Variants in TXNRD1 observed in about 807,000 individuals in gnomAD.
TXNRD1 encodes thioredoxin reductase 1, also known as thioredoxin reductase 1, cytoplasmic.
Under a neutral mutation model 80.3 loss-of-function variants are expected in TXNRD1, and 57 were observed. That is an observed-to-expected ratio of 0.71 (90% CI 0.57 to 0.89). The LOEUF is 0.89. Among genes scored for constraint, TXNRD1 ranks in the 40% least tolerant of loss-of-function variants. The probability of loss-of-function intolerance (pLI) is 0.00; values close to 1 mark genes in which losing one functional copy is unlikely to be tolerated. For synonymous variants in TXNRD1, 291 were observed against 285.2 expected (o/e 1.02, Z -0.20); for missense variants, 730 against 803.0 (o/e 0.91, Z 1.10).
At chr12:104,290,720 CATATATATAT>C (rs58669975) in intron 4 of TXNRD1, among the ~76,000 whole-genome samples, 2,395 of 55,852 alleles carry the variant, frequency 0.043, 87 homozygotes, top group African/African-American at 0.06. Flanking sequence ...AAGAAATATA[CATATATATAT>C]ATATATATAT....
chr12:104,307,031 A>G (rs570628803), intron 4 of TXNRD1, among the ~76,000 whole-genome samples: 1 of 152,330 alleles, frequency 6.6e-6, no homozygotes, highest in South Asian at 2.1e-4. Context: ...GGTCTTCTCT[A>G]AAGTTAATAG....
intron 1 of TXNRD1, among the ~76,000 whole-genome samples, chr12:104,247,180 T>C (rs1174271801): frequency 6.6e-6 from 1 of 151,896 alleles, no homozygotes; most frequent in East Asian, 1.9e-4. Flanking sequence ...TGATTCTCCC[T>C]CCTCAGCCTC....
At chr12:104,294,255 T>A in intron 4 of TXNRD1, among the ~76,000 whole-genome samples, 1 of 127,018 alleles carries the variant, frequency 7.9e-6, no homozygotes, top group Non-Finnish European at 1.7e-5. Flanking sequence ...GCCGCCGGCT[T>A]TCCCGGTCTG....
intron 3 of TXNRD1, among the ~76,000 whole-genome samples, chr12:104,267,697 CTTTCTCTCTTTCTT>C (rs2033551267): frequency 9.3e-5 from 2 of 21,566 alleles, no homozygotes; most frequent in African/African-American, 3.4e-4. Context: ...TTCTTTCTTT[CTTTCTCTCTTTCTT>C]TCTTTCTTTC....
chr12:104,249,488 AT>A (rs11304654), intron 1 of TXNRD1, among the ~76,000 whole-genome samples: 21,932 of 152,172 alleles, frequency 0.14, 1,636 homozygotes, highest in Middle Eastern at 0.24. Flanking sequence ...TGTCTGGTAT[AT>A]AATGAAACAG....
In TXNRD1 at chr12:104,324,508, C is replaced by T. The variant is rs184436754; in HGVS notation, c.1216-829C>T. 4.4e-4 allele frequency among the ~76,000 whole-genome samples: 67 copies of T among 152,080 alleles called. No homozygotes were observed. The East Asian group carries it at 9.3e-3, about 21-fold the overall frequency. On this transcript the variant is annotated intron_variant, in intron 10 of 16. Coordinates refer to ENST00000525566, the MANE Select transcript of TXNRD1 (RefSeq NM_001093771.3). ...CTGGGACTACAGGCGCCCGCCACCACGCCCGGCTAATTTTTGTATTTTTAG... is the reference window on the plus strand; with the variant it reads ...CTGGGACTACAGGCGCCCGCCACCATGCCCGGCTAATTTTTGTATTTTTAG...
At chr12:104,269,639 C>CT in intron 3 of TXNRD1, among the ~76,000 whole-genome samples, 1 of 151,956 alleles carries the variant, frequency 6.6e-6, no homozygotes, top group East Asian at 1.9e-4. Context: ...GCGATCTCGG[C>CT]TCACAGTAAC....
At chr12:104,304,102 G>A in intron 4 of TXNRD1, 1 of 1,614,042 alleles carries the variant, frequency 6.2e-7, no homozygotes, top group Non-Finnish European at 8.5e-7. Flanking sequence ...AGAACCGGGA[G>A]GACATCGTGA....
At chr12:104,347,709 C>G (rs551804483) in intron 16 of TXNRD1, among the ~76,000 whole-genome samples, 1 of 151,934 alleles carries the variant, frequency 6.6e-6, no homozygotes, top group African/African-American at 2.4e-5. Flanking sequence ...ATTCACTAGT[C>G]GAATAATTGA....
intron 1 of TXNRD1, among the ~76,000 whole-genome samples, chr12:104,220,069 C>T (rs1236346736): frequency 2.0e-5 from 3 of 152,102 alleles, no homozygotes; most frequent in African/African-American, 7.2e-5. Flanking sequence ...GGTGTTTAGG[C>T]CAGCGTCAAA....
intron 3 of TXNRD1, chr12:104,287,263 G>T: frequency 6.2e-7 from 1 of 1,613,942 alleles, no homozygotes; most frequent in Non-Finnish European, 8.5e-7. Flanking sequence ...TGTCTGAGCA[G>T]ACGGGGAGGC....
At chr12:104,261,813 A>G (rs2033373657) in intron 3 of TXNRD1, among the ~76,000 whole-genome samples, 2 of 152,040 alleles carry the variant, frequency 1.3e-5, no homozygotes, top group African/African-American at 4.8e-5. Context: ...CAAAGGTGCA[A>G]TCTCAGCTCA....
At chr12:104,216,015 T>G in intron 1 of TXNRD1, 122 bp downstream of exon 1, 4 of 798,528 alleles carry the variant, frequency 5.0e-6, no homozygotes, top group Non-Finnish European at 7.7e-6. Context: ...AGTCAGTGAC[T>G]GACCGCGCGC....
chr12:104,251,277 G>A (rs200267026), intron 1 of TXNRD1, among the ~76,000 whole-genome samples: 1 of 152,112 alleles, frequency 6.6e-6, no homozygotes, highest in African/African-American at 2.4e-5. Context: ...ATTATGGCTT[G>A]TTGGCAGGAT....
chr12:104,269,678 C>T (rs1188971815), intron 3 of TXNRD1, among the ~76,000 whole-genome samples: 4 of 152,028 alleles, frequency 2.6e-5, no homozygotes, highest in Admixed American at 1.3e-4. Context: ...AGCAATTCTC[C>T]TGCCTCAACC....
intron 1 of TXNRD1, among the ~76,000 whole-genome samples, chr12:104,241,937 A>ATTTTT (rs747774973): frequency 0.071 from 6,780 of 95,974 alleles, 1,008 homozygotes; most frequent in South Asian, 0.13. Flanking sequence ...TATACTAATG[A>ATTTTT]TTTTTTTTTT....
At chr12:104,267,640 T>C in intron 3 of TXNRD1, among the ~76,000 whole-genome samples, 1 of 150,930 alleles carries the variant, frequency 6.6e-6, no homozygotes, top group Non-Finnish European at 1.5e-5. Flanking sequence ...TTCCTAGATG[T>C]GATGGTATCT....
chr12:104,280,321 C>A (rs887833149), intron 3 of TXNRD1: 1 of 152,342 alleles, frequency 6.6e-6, no homozygotes, highest in South Asian at 2.1e-4. Context: ...AATAGTTGAT[C>A]TTCCTTTTTG....
At chr12:104,292,713 T>C (rs2034270382) in intron 4 of TXNRD1, among the ~76,000 whole-genome samples, 1 of 152,130 alleles carries the variant, frequency 6.6e-6, no homozygotes, top group South Asian at 2.1e-4. Context: ...GTTTTTGTTT[T>C]GTTTTAAATA....
Sources: allele counts gnomAD v4.1 joint callset (sites outside exome capture counted in the v4.1 genomes callset), GRCh38; gene constraint gnomAD v4.1.1; transcripts MANE v1.5; gene names NCBI Gene and HGNC (gene_info 2026-07-23, HGNC 2026-07-21).